Variants in ABTB3 observed in about 807,000 individuals in gnomAD.
The protein encoded by ABTB3 is ankyrin repeat- and BTB/POZ domain-containing protein 3.
the ABTB3 span, among the ~76,000 whole-genome samples, chr12:107,387,509 C>T: frequency 6.6e-6 from 1 of 152,198 alleles, no homozygotes; most frequent in Non-Finnish European, 1.5e-5. Flanking sequence ...TTGTAGATGA[C>T]TGTTCAGTGG....
chr12:107,429,162 G>T, the ABTB3 span, among the ~76,000 whole-genome samples: 1 of 152,210 alleles, frequency 6.6e-6, no homozygotes, highest in Admixed American at 6.5e-5. Context: ...GCAGCAGCTG[G>T]CAGGCATCCA....
At chr12:107,318,840 G>C in the ABTB3 span, 1 of 1,358,508 alleles carries the variant, frequency 7.4e-7, no homozygotes. Flanking sequence ...GTGAGCCAAG[G>C]CGGCGCGGAC....
At chr12:107,610,206 T>A in the ABTB3 span, 1 of 1,614,216 alleles carries the variant, frequency 6.2e-7, no homozygotes, top group Non-Finnish European at 8.5e-7. Context: ...CGACTGCTTT[T>A]GTGCATCTCG....
the ABTB3 span, among the ~76,000 whole-genome samples, chr12:107,324,468 AAAAT>A: frequency 6.6e-6 from 1 of 152,200 alleles, no homozygotes; most frequent in Non-Finnish European, 1.5e-5. Context: ...AGCTCTACAA[AAAAT>A]AAATAAATAA....
At chr12:107,433,194 G>T in the ABTB3 span, among the ~76,000 whole-genome samples, 1 of 150,858 alleles carries the variant, frequency 6.6e-6, no homozygotes, top group Non-Finnish European at 1.5e-5. Flanking sequence ...GGAGGCTGAG[G>T]CAGGAGAATG....
chr12:107,360,217 G>T, the ABTB3 span, among the ~76,000 whole-genome samples: 5 of 152,180 alleles, frequency 3.3e-5, no homozygotes, highest in Non-Finnish European at 5.9e-5. Flanking sequence ...CCCAGGGGAG[G>T]TGATAGCTGA....
the ABTB3 span, among the ~76,000 whole-genome samples, chr12:107,623,937 G>A: frequency 1.3e-5 from 2 of 152,182 alleles, no homozygotes; most frequent in Non-Finnish European, 2.9e-5. Context: ...TTCTCCCTGA[G>A]AAAGTGGCAT....
At chr12:107,511,917 G>A in the ABTB3 span, among the ~76,000 whole-genome samples, 16,457 of 152,092 alleles carry the variant, frequency 0.11, 949 homozygotes, top group African/African-American at 0.14. Flanking sequence ...CTATTCTGAC[G>A]GAAGCCTCAT....
chr12:107,588,589 C>T, the ABTB3 span, among the ~76,000 whole-genome samples: 1 of 152,174 alleles, frequency 6.6e-6, no homozygotes, highest in African/African-American at 2.4e-5. Flanking sequence ...GGCATGATCT[C>T]AGCTCACCTC....
At chr12:107,497,737 T>C in the ABTB3 span, among the ~76,000 whole-genome samples, 495 of 152,314 alleles carry the variant, frequency 3.2e-3, 2 homozygotes, top group African/African-American at 0.011. Context: ...ATCGATGTTC[T>C]TATTCTCTAA....
the ABTB3 span, among the ~76,000 whole-genome samples, chr12:107,455,790 C>T: frequency 5.3e-5 from 8 of 152,268 alleles, no homozygotes; most frequent in South Asian, 4.1e-4. Context: ...TGGTCTAGGA[C>T]GGCCTCTGAT....
At chr12:107,415,295 G>C in the ABTB3 span, among the ~76,000 whole-genome samples, 1 of 152,096 alleles carries the variant, frequency 6.6e-6, no homozygotes, top group African/African-American at 2.4e-5. Context: ...TTAATTATTT[G>C]AGTAGCGCTT....
chr12:107,444,825 C>T, the ABTB3 span, among the ~76,000 whole-genome samples: 18 of 152,120 alleles, frequency 1.2e-4, no homozygotes, highest in African/African-American at 4.3e-4. Flanking sequence ...TAAGGTCAGG[C>T]CCCCCGTGAG....
At chr12:107,538,660 G>T in the ABTB3 span, among the ~76,000 whole-genome samples, 1 of 152,136 alleles carries the variant, frequency 6.6e-6, no homozygotes, top group Non-Finnish European at 1.5e-5. Flanking sequence ...GGCTCTTCCT[G>T]CTTGGTGATT....
At chr12:107,535,251 A>G in the ABTB3 span, among the ~76,000 whole-genome samples, 1 of 152,172 alleles carries the variant, frequency 6.6e-6, no homozygotes, top group Non-Finnish European at 1.5e-5. Context: ...CTAAACTCTC[A>G]ACAAATTAGG....
chr12:107,645,924 A>G, the ABTB3 span, among the ~76,000 whole-genome samples: 1,774 of 152,338 alleles, frequency 0.012, 39 homozygotes, highest in African/African-American at 0.04. Context: ...GTAAAAGAAG[A>G]AAAGCCTCAT....
chr12:107,377,451 C>T, the ABTB3 span, among the ~76,000 whole-genome samples: 4 of 120,122 alleles, frequency 3.3e-5, no homozygotes. Flanking sequence ...GTGTGTGTGT[C>T]CCATGTATAC....
the ABTB3 span, among the ~76,000 whole-genome samples, chr12:107,381,446 A>C: frequency 6.6e-6 from 1 of 152,184 alleles, no homozygotes; most frequent in Admixed American, 6.5e-5. Flanking sequence ...GGGGCTTCCT[A>C]ATGAAGGGCT....
the ABTB3 span, among the ~76,000 whole-genome samples, chr12:107,488,768 A>G: frequency 6.6e-6 from 1 of 152,000 alleles, no homozygotes; most frequent in Non-Finnish European, 1.5e-5. Flanking sequence ...AACCATCACC[A>G]CCATCTAAAA....
Sources: allele counts gnomAD v4.1 joint callset (sites outside exome capture counted in the v4.1 genomes callset), GRCh38; gene constraint gnomAD v4.1.1; transcripts MANE v1.5; gene names NCBI Gene and HGNC (gene_info 2026-07-23, HGNC 2026-07-21).